The following MAP2K5 variants were observed in gnomAD, a reference collection of about 807,000 sequenced individuals.
MAP2K5 encodes mitogen-activated protein kinase kinase 5.
In MAP2K5, 49 loss-of-function variants were observed where a neutral mutation model predicts 83.1. The ratio of observed to expected loss-of-function variants is 0.59; its 90% confidence interval spans 0.47 to 0.75. MAP2K5 has a LOEUF of 0.75. Among genes scored for constraint, MAP2K5 ranks in the 30% least tolerant of loss-of-function variants. The probability of loss-of-function intolerance (pLI) is 0.00; values close to 1 mark genes in which losing one functional copy is unlikely to be tolerated. For missense variants in MAP2K5, 457 were observed against 557.5 expected, an observed-to-expected ratio of 0.82 and a Z score of 1.82; for synonymous variants, 202 against 191.8, an observed-to-expected ratio of 1.05 and a Z score of -0.44.
intron 8 of MAP2K5, among the ~76,000 whole-genome samples, chr15:67,627,381 C>T (rs898164710): frequency 6.6e-6 from 1 of 152,108 alleles, no homozygotes; most frequent in Non-Finnish European, 1.5e-5. Flanking sequence ...TGTAATCTTG[C>T]TTTTTCTTTA....
At chr15:67,622,201 CT>C (rs2086202161) in intron 8 of MAP2K5, among the ~76,000 whole-genome samples, 1 of 149,346 alleles carries the variant, frequency 6.7e-6, no homozygotes, top group South Asian at 2.2e-4. Flanking sequence ...GGAGAATGTG[CT>C]GTTTTATGTA....
At chr15:67,712,308 G>C (rs2088709871) in intron 16 of MAP2K5, among the ~76,000 whole-genome samples, 1 of 152,182 alleles carries the variant, frequency 6.6e-6, no homozygotes, top group South Asian at 2.1e-4. Context: ...AAACAGCCTA[G>C]CTAAATCATG....
In MAP2K5 at chr15:67,562,664, G is replaced by A. The variant is rs1023619700; in HGVS notation, c.185-619G>A. ...CGGAAAAAGAGCTGCTAAATAGAAT[G>A]GGGGAGACCTGTATTAGAGCTGCTT... On this transcript the variant is annotated intron_variant, in intron 2 of 21. Coordinates refer to ENST00000178640, the MANE Select transcript of MAP2K5 (RefSeq NM_145160.3). This position sits in a 1 kb window ranked among gnomAD's most constrained non-coding sequence, Gnocchi z 4.1. Among the ~76,000 whole-genome samples, 3 of 152,284 alleles carry A rather than the reference G, an allele frequency of 2.0e-5. No individual in the cohort carries two copies. Among genetic ancestry groups the A allele is most frequent in the African/African-American group, 7.2e-5 (3 of 41,556 alleles).
intron 9 of MAP2K5, among the ~76,000 whole-genome samples, chr15:67,639,887 A>G (rs575973540): frequency 6.6e-6 from 1 of 152,324 alleles, no homozygotes; most frequent in East Asian, 1.9e-4. Flanking sequence ...ACACCTTTCA[A>G]GGATCAGCTG....
chr15:67,546,514 T>C, intron 1 of MAP2K5: 1 of 882,734 alleles, frequency 1.1e-6, no homozygotes, highest in East Asian at 1.2e-4. Context: ...TCAGTCGGTC[T>C]CTCTGGGCCT....
chr15:67,547,798 G>T (rs928858987), intron 1 of MAP2K5, among the ~76,000 whole-genome samples: 2 of 152,166 alleles, frequency 1.3e-5, no homozygotes, highest in African/African-American at 4.8e-5. Flanking sequence ...TTAGGTACAT[G>T]TTATATTGTC....
At position 67,774,399 on chromosome 15, in the gene MAP2K5, C is replaced by G. The variant is rs2090200717; in HGVS notation, c.1242+1647C>G. On this transcript the variant is annotated intron_variant, in intron 21 of 21. Coordinates refer to ENST00000178640, the MANE Select transcript of MAP2K5 (RefSeq NM_145160.3). The surrounding 1 kb of genome is among the most constrained non-coding windows in gnomAD (Gnocchi z 4.9). ...GTTTGATTTTAAATGAATGCATTCC[C>G]AGAGGTATAGCAGTGGTGAGGCACC... is the stretch of plus-strand genomic sequence containing the variant. Among the ~76,000 whole-genome samples the G allele has an allele frequency of 1.3e-5, 2 of 151,966 alleles. No individual in the cohort carries two copies. The highest frequency in any genetic ancestry group is 2.9e-5 in the Non-Finnish European group (2 of 68,004).
Position 67,580,811 on chromosome 15 carries a change from A to T in MAP2K5, c.310A>T (p.Ile104Leu), listed in dbSNP as rs141291231. Residue 104 changes from isoleucine (I) to leucine (L), a missense_variant, in exon 4 of 22, where the codon ATA becomes TTA. Around this residue, in one of 3 missense-constraint regions of MAP2K5, gnomAD observed 234 missense variants for 243.6 expected, o/e 0.96. Coordinates refer to ENST00000178640, the MANE Select transcript of MAP2K5 (RefSeq NM_145160.3). Reference protein sequence around the residue: ...VNGQLIEPLQIFPRACKPPGE... With the variant: ...VNGQLIEPLQLFPRACKPPGE... Reference sequence around the variant, plus strand: ...TGGACAGTTAATAGAGCCTCTGCAGATATTTCCAAGAGGTAATGTTGAGCA... The same window carrying T: ...TGGACAGTTAATAGAGCCTCTGCAGTTATTTCCAAGAGGTAATGTTGAGCA... The T allele has an allele frequency of 1.5e-5, 24 of 1,607,088 alleles. No individual in the cohort carries two copies. The highest frequency in any genetic ancestry group is 2.7e-5 in the African/African-American group (2 of 74,912).
chr15:67,572,706 A>AT lies in MAP2K5; in HGVS notation c.253-8037dup, dbSNP rs201661333. On this transcript the variant is annotated intron_variant, in intron 3 of 21. Coordinates refer to ENST00000178640, the MANE Select transcript of MAP2K5 (RefSeq NM_145160.3). This position sits in a 1 kb window ranked among gnomAD's most constrained non-coding sequence, Gnocchi z 4.2. ...TGCAAGAATTGATATTATTATTATTATTTTTTTTTTTGAGATGGAGTCTTG... is the reference window on the plus strand; with the variant it reads ...TGCAAGAATTGATATTATTATTATTATTTTTTTTTTTTGAGATGGAGTCTTG... Among the ~76,000 whole-genome samples, 2,970 of 128,580 alleles carry AT rather than the reference A, an allele frequency of 0.023. 68 individuals carry two copies. The highest frequency in any genetic ancestry group is 0.052 in the African/African-American group (1,944 of 37,516). The allele number at this position is 128,580 out of a possible 152,430, so 84.4% of individuals were successfully genotyped here.
chr15:67,793,630 A>G lies in MAP2K5; in HGVS notation c.1243-13016A>G, dbSNP rs1195418509. Among the ~76,000 whole-genome samples the G allele has an allele frequency of 6.6e-6, 1 of 152,206 alleles. No homozygotes were observed. Among genetic ancestry groups the G allele is most frequent in the African/African-American group, 2.4e-5 (1 of 41,462 alleles). ...GCACTACCTAAAATTAAAATGTTCA[A>G]GTTCTAGTTTAACTTCCATATTCTT... On this transcript the variant is annotated intron_variant, in intron 21 of 21. Coordinates refer to ENST00000178640, the MANE Select transcript of MAP2K5 (RefSeq NM_145160.3). This position sits in a 1 kb window ranked among gnomAD's most constrained non-coding sequence, Gnocchi z 4.6.
intron 8 of MAP2K5, among the ~76,000 whole-genome samples, chr15:67,604,712 T>C (rs1476100706): frequency 6.6e-6 from 1 of 151,814 alleles, no homozygotes; most frequent in African/African-American, 2.4e-5. Context: ...CTGGCCAACA[T>C]AGTGAAACCC....
intron 11 of MAP2K5, among the ~76,000 whole-genome samples, chr15:67,656,860 G>A (rs1352844294): frequency 6.6e-6 from 1 of 152,126 alleles, no homozygotes; most frequent in Non-Finnish European, 1.5e-5. Flanking sequence ...TAATAAAAGA[G>A]AAAAATTAAA....
rs1012718935 is a variant in MAP2K5, at chr15:67,677,628, G to A, written c.847+12983G>A. ...GTCAAGAGGAGTCTTAACAGTCAGTGGTATCTTAGACTTGGGGAAGTAGGT... is the reference window on the plus strand; with the variant it reads ...GTCAAGAGGAGTCTTAACAGTCAGTAGTATCTTAGACTTGGGGAAGTAGGT... On this transcript the variant is annotated intron_variant, in intron 13 of 21. Coordinates refer to ENST00000178640, the MANE Select transcript of MAP2K5 (RefSeq NM_145160.3). This position sits in a 1 kb window ranked among gnomAD's most constrained non-coding sequence, Gnocchi z 4.2. Among the ~76,000 whole-genome samples the A allele has an allele frequency of 6.6e-6, 1 of 152,130 alleles. No homozygotes were observed. The highest frequency in any genetic ancestry group is 1.5e-5 in the Non-Finnish European group (1 of 68,036).
intron 9 of MAP2K5, among the ~76,000 whole-genome samples, chr15:67,639,478 A>G (rs1271861565): frequency 6.6e-6 from 1 of 152,214 alleles, no homozygotes; most frequent in Admixed American, 6.5e-5. Context: ...AACTTGCCCA[A>G]GGTCCCACAA....
chr15:67,655,743 G>A (rs947867876), intron 11 of MAP2K5, among the ~76,000 whole-genome samples: 2 of 152,094 alleles, frequency 1.3e-5, no homozygotes, highest in African/African-American at 4.8e-5. Context: ...TGGATGTGTA[G>A]ATTCACTTTT....
intron 2 of MAP2K5, among the ~76,000 whole-genome samples, chr15:67,553,919 CA>C (rs71142378): frequency 3.2e-4 from 26 of 80,078 alleles, no homozygotes; most frequent in African/African-American, 8.1e-4. Flanking sequence ...GACTCCATCT[CA>C]AAAAAAAAAA....
chr15:67,631,529 C>G (rs1373622642), intron 9 of MAP2K5, among the ~76,000 whole-genome samples: 1 of 152,182 alleles, frequency 6.6e-6, no homozygotes, highest in Non-Finnish European at 1.5e-5. Flanking sequence ...CAACGTAAAG[C>G]CTAAGATGTC....
chr15:67,561,364 C>T lies in MAP2K5; in HGVS notation c.185-1919C>T, dbSNP rs1396896218. 3.9e-5 allele frequency among the ~76,000 whole-genome samples: 6 copies of T among 152,202 alleles called. No individual in the cohort carries two copies. The East Asian group carries it at 1.2e-3, about 29-fold the overall frequency. On this transcript the variant is annotated intron_variant, in intron 2 of 21. Coordinates refer to ENST00000178640, the MANE Select transcript of MAP2K5 (RefSeq NM_145160.3). This position sits in a 1 kb window ranked among gnomAD's most constrained non-coding sequence, Gnocchi z 4.2. Reference sequence around the variant, plus strand: ...GACAGACTCCTTTCTTCTCTCTCTACAGCTGGAATGGCATTTCTCCCCCAA... The same window carrying T: ...GACAGACTCCTTTCTTCTCTCTCTATAGCTGGAATGGCATTTCTCCCCCAA...
intron 7 of MAP2K5, among the ~76,000 whole-genome samples, chr15:67,594,544 C>T (rs1170456207): frequency 6.6e-6 from 1 of 151,998 alleles, no homozygotes; most frequent in African/African-American, 2.4e-5. Flanking sequence ...CAGTTTTTTC[C>T]ACTGCAAAAA....
Sources: allele counts gnomAD v4.1 joint callset (sites outside exome capture counted in the v4.1 genomes callset), GRCh38; gene constraint gnomAD v4.1.1; regional missense constraint gnomAD v4.1.1; non-coding constraint Gnocchi (gnomAD v3.1); transcripts MANE v1.5; gene names NCBI Gene and HGNC (gene_info 2026-07-23, HGNC 2026-07-21).